FAM133B: variants seen among roughly 807,000 people sequenced by gnomAD.
The protein encoded by FAM133B is family with sequence similarity 133 member B, also known as protein FAM133B.
A neutral mutation model predicts 46.4 loss-of-function variants in FAM133B; 25 were observed. The ratio of observed to expected loss-of-function variants is 0.54; its 90% CI spans 0.39 to 0.75. The LOEUF (loss-of-function observed/expected upper bound fraction) is 0.75. Ranked by LOEUF, FAM133B falls within the 30% of genes least tolerant of loss-of-function variation. FAM133B has a pLI of 0.00. For synonymous variants in FAM133B, 75 were observed against 86.0 expected, an observed-to-expected ratio of 0.87 and a Z score of 0.71; for missense variants, 205 against 277.6, an observed-to-expected ratio of 0.74 and a Z score of 1.86.
rs1242184473 is a variant in FAM133B, at chr7:92,578,103, T to C, written c.309+47A>G. 5 of 1,512,274 alleles carry C rather than the reference T, an allele frequency of 3.3e-6. No individual in the cohort carries two copies. The African/African-American group carries it at 7.0e-5, about 21-fold the overall frequency. 93.7% of individuals were successfully genotyped at this position (1,512,274 alleles called of 1,614,324 possible). A position where few individuals can be genotyped will look rare whatever the true frequency, so the allele number is the denominator to read the frequency against. On this transcript the variant is annotated intron_variant, in intron 5 of 10. Coordinates refer to ENST00000445716, the MANE Select transcript of FAM133B (RefSeq NM_152789.4). The stretch of plus-strand genomic sequence containing the variant: ...AAACAAATTATTCTTACTTTTTTTG[T>C]TGGCTCTTAATTGTAACGTTTAGAA...
At chr7:92,567,453 A>C (rs1351575196) in intron 9 of FAM133B, among the ~76,000 whole-genome samples, 1 of 152,240 alleles carries the variant, frequency 6.6e-6, no homozygotes, top group Admixed American at 6.5e-5. Flanking sequence ...ATACATAAAA[A>C]TGCAATTAAC....
intron 8 of FAM133B, among the ~76,000 whole-genome samples, chr7:92,573,466 T>TC (rs1794599355): frequency 2.1e-5 from 2 of 96,274 alleles, no homozygotes; most frequent in South Asian, 5.7e-4. Flanking sequence ...TTTTTCTTCT[T>TC]TTTTTTTTTT....
At chr7:92,580,771 T>C (rs1261175760) in intron 2 of FAM133B, among the ~76,000 whole-genome samples, 1 of 152,226 alleles carries the variant, frequency 6.6e-6, no homozygotes, top group East Asian at 1.9e-4. Context: ...TACTTGGACA[T>C]TTCTCCTCGA....
At chr7:92,580,514 A>G (rs1794836332) in intron 2 of FAM133B, among the ~76,000 whole-genome samples, 1 of 151,992 alleles carries the variant, frequency 6.6e-6, no homozygotes, top group African/African-American at 2.4e-5. Context: ...TATTATCACA[A>G]CTCCTTACTA....
At chr7:92,567,676 G>A (rs1042726581) in intron 9 of FAM133B, among the ~76,000 whole-genome samples, 1 of 152,108 alleles carries the variant, frequency 6.6e-6, no homozygotes, top group Non-Finnish European at 1.5e-5. Context: ...ATGCTGTCAC[G>A]CCATGTCCTG....
In FAM133B at chr7:92,577,594, C is replaced by G. The variant is rs1794739295; in HGVS notation, c.372+61G>C. The G allele has an allele frequency of 3.6e-6, 5 of 1,372,572 alleles. No homozygotes were observed. The South Asian group carries it at 5.7e-5, about 16-fold the overall frequency. The allele number at this position is 1,372,572 out of a possible 1,614,324, so 85.0% of individuals were successfully genotyped here. Reference sequence around the variant, plus strand: ...CTAACAGATATTTCACAATGGGTTTCCACTTGACATTAAAGAAATTAAGAG... The same window carrying G: ...CTAACAGATATTTCACAATGGGTTTGCACTTGACATTAAAGAAATTAAGAG... On this transcript the variant is annotated intron_variant, in intron 6 of 10. Coordinates refer to ENST00000445716, the MANE Select transcript of FAM133B (RefSeq NM_152789.4).
intron 8 of FAM133B, among the ~76,000 whole-genome samples, chr7:92,571,798 T>C (rs889100777): frequency 1.3e-5 from 2 of 152,224 alleles, no homozygotes; most frequent in African/African-American, 2.4e-5. Context: ...AACATTCTTA[T>C]AATGTTTTAA....
At chr7:92,586,768 T>C (rs1477308115) in intron 1 of FAM133B, among the ~76,000 whole-genome samples, 1 of 152,208 alleles carries the variant, frequency 6.6e-6, no homozygotes, top group Non-Finnish European at 1.5e-5. Context: ...ATTTGTCAAT[T>C]TGATTACCTA....
chr7:92,584,014 C>T (rs1446866747), intron 1 of FAM133B, among the ~76,000 whole-genome samples: 1 of 134,182 alleles, frequency 7.5e-6, no homozygotes, highest in Non-Finnish European at 1.5e-5. Flanking sequence ...TGTGCCACTT[C>T]ACTCCAGCCT....
chr7:92,572,177 GA>G (rs1175668902), intron 8 of FAM133B, among the ~76,000 whole-genome samples: 1 of 152,172 alleles, frequency 6.6e-6, no homozygotes. Context: ...CAAAGACTAT[GA>G]AAAGCAATGC....
chr7:92,575,710 A>G (rs1794672611), intron 8 of FAM133B, 61 bp downstream of exon 8: 5 of 792,558 alleles, frequency 6.3e-6, no homozygotes, highest in Non-Finnish European at 1.0e-5. Flanking sequence ...CATTATTGTT[A>G]TTTAAGTCAA....
chr7:92,574,904 T>C (rs1475361999), intron 8 of FAM133B, among the ~76,000 whole-genome samples: 10 of 137,826 alleles, frequency 7.3e-5, no homozygotes, highest in African/African-American at 2.6e-4. Context: ...AGAGCGAGAC[T>C]CCGTCTCAAA....
intron 3 of FAM133B, among the ~76,000 whole-genome samples, chr7:92,578,649 T>C (rs1585309869): frequency 6.6e-6 from 1 of 152,226 alleles, no homozygotes; most frequent in South Asian, 2.1e-4. Context: ...TTACTGAAGC[T>C]GAGGTCTCTT....
rs746117713 is a variant in FAM133B, at chr7:92,581,499, C to A, written c.122+7G>T. The A allele has an allele frequency of 1.2e-6, 2 of 1,608,930 alleles. No homozygotes were observed. The highest frequency in any genetic ancestry group is 8.5e-7 in the Non-Finnish European group (1 of 1,175,942). On this transcript the variant is annotated splice_region_variant and intron_variant, in intron 2 of 10. Coordinates refer to ENST00000445716, the MANE Select transcript of FAM133B (RefSeq NM_152789.4). ...GCTTATAAATAGGTAAAGTGTTTCA[C>A]AAATACCAGGTAGGCCTTGGTCGAT...
rs1364085780 is a variant in FAM133B at position 92,560,791 on chromosome 7, T to A, written c.*1491A>T. 6.6e-6 allele frequency: 1 copy of A among 152,312 alleles called. No individual in the cohort carries two copies. Among genetic ancestry groups the A allele is most frequent in the Non-Finnish European group, 1.5e-5 (1 of 68,034 alleles). The allele number at this position is 152,312 out of a possible 1,614,324, so 9.4% of individuals were successfully genotyped here. On this transcript the variant is annotated 3_prime_UTR_variant, in exon 11 of 11. Coordinates refer to ENST00000445716, the MANE Select transcript of FAM133B (RefSeq NM_152789.4). Reference sequence around the variant, plus strand: ...CAAAGGGAGCTGATAAGAACACAGCTATTTTTAAGTAAAATAGCTATTTAT... The same window carrying A: ...CAAAGGGAGCTGATAAGAACACAGCAATTTTTAAGTAAAATAGCTATTTAT...
At position 92,579,256 on chromosome 7, in the gene FAM133B, G is replaced by A. The variant is rs904831707; in HGVS notation, c.201+61C>T. ...GGCCTCCCAAAGTGCTGGAATTATA[G>A]GTATGAGCCACCATAACTGGCCAAA... On this transcript the variant is annotated intron_variant, in intron 3 of 10. Coordinates refer to ENST00000445716, the MANE Select transcript of FAM133B (RefSeq NM_152789.4). 5 of 1,426,018 alleles carry A rather than the reference G, an allele frequency of 3.5e-6. No individual in the cohort carries two copies. In the South Asian group the frequency reaches 5.0e-5, roughly 14 times the overall value. 88.3% of individuals were successfully genotyped at this position (1,426,018 alleles called of 1,614,324 possible). A position where few individuals can be genotyped will look rare whatever the true frequency, so the allele number is the denominator to read the frequency against.
chr7:92,581,803 TG>T, intron 1 of FAM133B, 200 bp from the exon 2 acceptor site: 2 of 310,944 alleles, frequency 6.4e-6, no homozygotes. Flanking sequence ...ATTGTGTGTG[TG>T]TGTGTGTGTG....
chr7:92,587,899 T>C (rs1193761968), intron 1 of FAM133B, among the ~76,000 whole-genome samples: 4 of 152,184 alleles, frequency 2.6e-5, no homozygotes, highest in Non-Finnish European at 5.9e-5. Flanking sequence ...GGGGAGGCTA[T>C]GCACGAGTGG....
At position 92,582,304 on chromosome 7, in the gene FAM133B, T is replaced by TAACATAACATAAATAACATAA. The variant is rs1562897313; in HGVS notation, c.25-702_25-701insTTATGTTATTTATGTTATGTT. ...ATAACATAACATAACATAACATAAA[T>TAACATAACATAAATAACATAA]AACATAAAATAACATAACATAAAAT... On this transcript the variant is annotated intron_variant, in intron 1 of 10. Transcript: ENST00000445716. Among the ~76,000 whole-genome samples the TAACATAACATAAATAACATAA allele has an allele frequency of 4.6e-3, 660 of 143,692 alleles. 3 individuals are homozygous for TAACATAACATAAATAACATAA. Among genetic ancestry groups the TAACATAACATAAATAACATAA allele is most frequent in the African/African-American group, 0.014 (532 of 38,424 alleles). The allele number at this position is 143,692 out of a possible 152,430, so 94.3% of individuals were successfully genotyped here. A position where few individuals can be genotyped will look rare whatever the true frequency, so the allele number is the denominator to read the frequency against.
Sources: allele counts gnomAD v4.1 joint callset (sites outside exome capture counted in the v4.1 genomes callset), GRCh38; gene constraint gnomAD v4.1.1; transcripts MANE v1.5; gene names NCBI Gene and HGNC (gene_info 2026-07-23, HGNC 2026-07-21).